The following FASN variants were observed in gnomAD, a reference collection of about 807,000 sequenced individuals.
FASN encodes the protein 3-hydroxyacyl-[acyl-carrier-protein] dehydratase.
FASN carries 50 observed loss-of-function variants against 250.0 expected under a neutral mutation model. The ratio of observed to expected loss-of-function variants is 0.20; its 90% CI spans 0.16 to 0.25. The LOEUF (loss-of-function observed/expected upper bound fraction) is 0.25, where lower values mean the gene tolerates loss of function less well. Among genes scored for constraint, FASN ranks in the 10% least tolerant of loss-of-function variants. The pLI is 1.00. For synonymous variants in FASN, 1,909 were observed against 1,584.0 expected, an observed-to-expected ratio of 1.21 and a Z score of -4.87; for missense variants, 3,031 against 3,498.5, an observed-to-expected ratio of 0.87 and a Z score of 3.37.
At position 82,089,314 on chromosome 17, in the gene FASN, C is replaced by A. The variant is rs1383076338; in HGVS notation, c.2036G>T (p.Gly679Val). 1 of 1,612,656 alleles carries A rather than the reference C, an allele frequency of 6.2e-7. No individual in the cohort carries two copies. The highest frequency in any genetic ancestry group is 1.3e-5 in the African/African-American group (1 of 74,892). ...GVFAKEVRTGGMAFHSYFMEA... is the reference protein window; with the variant it reads ...GVFAKEVRTGVMAFHSYFMEA... ...CATGAAGTAGGAGTGGAAGGCCATACCGCCGGTCCGCACCTCCTTGGCAAA... is the reference window on the plus strand; with the variant it reads ...CATGAAGTAGGAGTGGAAGGCCATAACGCCGGTCCGCACCTCCTTGGCAAA... Residue 679 changes from glycine to valine, a missense_variant, in exon 13 of 43, where the codon GGT becomes GTT. Gly to Val is a moderately radical substitution (Grantham distance 109). Transcript: ENST00000306749.
chr17:82,090,651 C>T, intron 10 of FASN, 87 bp from the exon 11 acceptor site: 1 of 1,279,124 alleles, frequency 7.8e-7, no homozygotes, highest in South Asian at 1.3e-5. Flanking sequence ...GCCATCTCCA[C>T]CCCCGCGCCC....
chr17:82,086,536 G>T lies in FASN; in HGVS notation c.3450C>A (p.Thr1150=). Residue 1150 remains threonine, a synonymous_variant, in exon 22 of 43, where the codon ACC becomes ACA. Transcript: ENST00000306749. ...LCKGLVQALQ[T]KVTQQGLKMV... ...TCTTCAGCCCCTGCTGGGTCACCTT[G>T]GTCTGCAGTGCCTGCACCAGCCCTG... is the stretch of plus-strand genomic sequence containing the variant. 1 of 1,611,826 alleles carries T rather than the reference G, an allele frequency of 6.2e-7. No homozygotes were observed. Among genetic ancestry groups the T allele is most frequent in the South Asian group, 1.1e-5 (1 of 91,058 alleles).
chr17:82,091,714 G>C, intron 8 of FASN, 30 bp from the exon 9 acceptor site: 2 of 1,532,680 alleles, frequency 1.3e-6, no homozygotes, highest in East Asian at 2.4e-5. Context: ...ATGGGCAGCC[G>C]CCCCACTCCC....
intron 22 of FASN, among the ~76,000 whole-genome samples, 184 bp downstream of exon 22, chr17:82,086,070 G>A (rs542051591): frequency 2.5e-4 from 38 of 152,292 alleles, no homozygotes; most frequent in South Asian, 1.7e-3. Context: ...TGGAGCCCAC[G>A]GGCGGACCCT....
At position 82,085,109 on chromosome 17, in the gene FASN, G is replaced by A; in HGVS notation, c.4335C>T (p.Ala1445=). The A allele has an allele frequency of 6.2e-7, 1 of 1,612,664 alleles. No individual in the cohort carries two copies. The highest frequency in any genetic ancestry group is 8.5e-7 in the Non-Finnish European group (1 of 1,179,930). Residue 1445 remains alanine, a synonymous_variant, in exon 25 of 43, where the codon GCC becomes GCT. Transcript: ENST00000306749. ...CCACGCCCGAGGTGGCACAGTTGAT[G>A]GCCTTCAGCCACACAGGCCGGGAAG... The part of the protein sequence containing the change: ...EDSSRPVWLK[A]INCATSGVVG...
intron 12 of FASN, 91 bp from the exon 13 acceptor site, chr17:82,089,475 A>C (rs9895384): frequency 1.2e-6 from 2 of 1,604,828 alleles, no homozygotes; most frequent in African/African-American, 1.3e-5. Flanking sequence ...CCCCAAGGGA[A>C]CCGAGAGGGA....
rs113626344 is a variant in FASN at position 82,089,800 on chromosome 17, G to A, written c.1871-74C>T. ...CCAGCCACCCACCCACCCAGACACT[G>A]CCTGCAGCTGGGGGCAGTAATGACA... On this transcript the variant is annotated intron_variant, in intron 11 of 42. Coordinates refer to ENST00000306749, the MANE Select transcript of FASN (RefSeq NM_004104.5). 1.7e-3 allele frequency: 2,147 copies of A among 1,280,712 alleles called. 48 individuals are homozygous for A. In the South Asian group the frequency reaches 0.023, roughly 14 times the overall value. 79.3% of individuals were successfully genotyped at this position (1,280,712 alleles called of 1,614,324 possible). A position where few individuals can be genotyped will look rare whatever the true frequency, so the allele number is the denominator to read the frequency against.
In FASN at chr17:82,084,639, A is replaced by C; in HGVS notation, c.4642T>G (p.Cys1548Gly). Residue 1548 changes from cysteine to glycine, a missense_variant, in exon 27 of 43, where the codon TGC becomes GGC. Transcript: ENST00000306749. ...GGCTGGGCATGGCGCAGCGAGGAGCAGACCCAGCGGATGGAGGACAGGTCC... is the reference window on the plus strand; with the variant it reads ...GGCTGGGCATGGCGCAGCGAGGAGCCGACCCAGCGGATGGAGGACAGGTCC... ...RGDLSSIRWV[C>G]SSLRHAQPTC... 1 of 1,600,856 alleles carries C rather than the reference A, an allele frequency of 6.2e-7. No individual in the cohort carries two copies. The highest frequency in any genetic ancestry group is 8.5e-7 in the Non-Finnish European group (1 of 1,174,584).
In FASN at chr17:82,093,687, C is replaced by T. The variant is rs139728499; in HGVS notation, c.365G>A (p.Arg122Gln). ...GTAGCCCACGAGTGTCTCGGGGTCTCGGCTCAGGGCCTCCGAGGTCTCAGA... is the reference window on the plus strand; with the variant it reads ...GTAGCCCACGAGTGTCTCGGGGTCTTGGCTCAGGGCCTCCGAGGTCTCAGA... ...SGSETSEALS[R>Q]DPETLVGYSM... Residue 122 changes from arginine to glutamine, a missense_variant, in exon 4 of 43, where the codon CGA becomes CAA. Coordinates refer to ENST00000306749, the MANE Select transcript of FASN (RefSeq NM_004104.5). The T allele has an allele frequency of 3.5e-5, 57 of 1,612,656 alleles. No homozygotes were observed. The highest frequency in any genetic ancestry group is 1.3e-4 in the South Asian group (12 of 91,082).
At chr17:82,092,363 T>G (rs1455334068) in intron 8 of FASN, 92 bp downstream of exon 8, 7 of 1,398,094 alleles carry the variant, frequency 5.0e-6, no homozygotes, top group Non-Finnish European at 6.8e-6. Context: ...CCGCCTCCAC[T>G]TGGCAAAGAG....
Position 82,083,828 on chromosome 17 carries a change from G to A in FASN, c.5162C>T (p.Ala1721Val). Residue 1721 changes from alanine (A) to valine (V), a missense_variant, in exon 30 of 43, where the codon GCC becomes GTC. Coordinates refer to ENST00000306749, the MANE Select transcript of FASN (RefSeq NM_004104.5). ...RFPQLDSTSF[A>V]NSRDTSFEQH... ...CTCGAAGGATGTGTCCCGGGAGTTG[G>A]CGAAGCTGGTGCTGTCGAGCTGGGG... The A allele has an allele frequency of 6.2e-7, 1 of 1,605,392 alleles. No individual in the cohort carries two copies. Among genetic ancestry groups the A allele is most frequent in the Non-Finnish European group, 8.5e-7 (1 of 1,177,092 alleles).
rs547172061 is a variant in FASN, at chr17:82,086,726, T to A, written c.3428-168A>T. 1.6e-4 allele frequency among the ~76,000 whole-genome samples: 24 copies of A among 152,308 alleles called. No homozygotes were observed. In the East Asian group the frequency reaches 4.4e-3, roughly 28 times the overall value. On this transcript the variant is annotated intron_variant, in intron 21 of 42. Coordinates refer to ENST00000306749, the MANE Select transcript of FASN (RefSeq NM_004104.5). ...GGCTGCCCACCACTGGGAGGCTGAC[T>A]CCTGCCCACTGTGGACGCAGTGAGG...
intron 3 of FASN, 91 bp downstream of exon 3, chr17:82,095,229 T>C: frequency 6.8e-7 from 1 of 1,478,072 alleles, no homozygotes. Context: ...TGCCAGCACC[T>C]GGTTCTACCA....
intron 6 of FASN, 23 bp downstream of exon 6, chr17:82,092,874 C>G (rs1278319153): frequency 1.9e-6 from 3 of 1,592,342 alleles, no homozygotes; most frequent in Non-Finnish European, 2.6e-6. Context: ...CCCCCAGCAC[C>G]CCGGAACCCC....
At position 82,088,427 on chromosome 17, in the gene FASN, G is replaced by T. The variant is rs765134185; in HGVS notation, c.2556C>A (p.Asn852Lys). Residue 852 changes from asparagine to lysine, a missense_variant, in exon 16 of 43, where the codon AAC becomes AAA. Coordinates refer to ENST00000306749, the MANE Select transcript of FASN (RefSeq NM_004104.5). ...TGGCGGCTGAGGGGGAACCTGAACCGTTGGGGAAGTCCTCGGCGGCCGGCA... is the reference window on the plus strand; with the variant it reads ...TGGCGGCTGAGGGGGAACCTGAACCTTTGGGGAAGTCCTCGGCGGCCGGCA... The part of the protein sequence containing the change: ...WDVPAAEDFP[N>K]GSGSPSAAIY... The T allele has an allele frequency of 6.2e-7, 1 of 1,611,980 alleles. No homozygotes were observed.
rs200897153 is a variant in FASN at position 82,082,645 on chromosome 17, C to A, written c.5801G>T (p.Arg1934Leu). The A allele has an allele frequency of 1.9e-6, 3 of 1,610,398 alleles. No individual in the cohort carries two copies. Among genetic ancestry groups the A allele is most frequent in the South Asian group, 2.2e-5 (2 of 91,082 alleles). Residue 1934 changes from arginine to leucine, a missense_variant, in exon 34 of 43, where the codon CGC (arginine) becomes CTC (leucine). Arg to Leu is a moderately radical substitution (Grantham distance 102, BLOSUM62 -2). Transcript: ENST00000306749. ...YQAKQVRRWR[R>L]QGVQVQVSTS... Reference sequence around the variant, plus strand: ...GGACACCTGCACCTGTACGCCCTGGCGCCTCCACCGGCGGACCTGCTTGGC... The same window carrying A: ...GGACACCTGCACCTGTACGCCCTGGAGCCTCCACCGGCGGACCTGCTTGGC...
intron 31 of FASN, 23 bp from the exon 32 acceptor site, chr17:82,083,448 C>A (rs1204205448): frequency 1.2e-6 from 2 of 1,612,654 alleles, no homozygotes. Flanking sequence ...GCCGTGCTCA[C>A]CCAGGGCCTT....
At position 82,082,560 on chromosome 17, in the gene FASN, A is replaced by C. The variant is rs1598574112; in HGVS notation, c.5886T>G (p.Leu1962=). Residue 1962 remains leucine, a synonymous_variant, in exon 34 of 43, where the codon CTT becomes CTG. Coordinates refer to ENST00000306749, the MANE Select transcript of FASN (RefSeq NM_004104.5). ...ARGLIAEAAQ[L]GPVGGVFNLA... is the part of the protein sequence containing the mutation. ...GGTTGAAGACGCCGCCCACGGGCCC[A>C]AGCTGCGCCGCCTCGGCAATGAGGC... 6 of 1,608,970 alleles carry C rather than the reference A, an allele frequency of 3.7e-6. No individual in the cohort carries two copies. The highest frequency in any genetic ancestry group is 4.2e-6 in the Non-Finnish European group (5 of 1,179,792).
rs146226779 is a variant in FASN at position 82,087,425 on chromosome 17, C to G, written c.3123G>C (p.Ser1041=). Residue 1041 remains serine, a synonymous_variant, in exon 20 of 43, where the codon TCG becomes TCC. Coordinates refer to ENST00000306749, the MANE Select transcript of FASN (RefSeq NM_004104.5). Reference sequence around the variant, plus strand: ...TGGGCAGGTACAGGCCGTGCTTGGCCGAGCCCAGGATGGACATCTGCAGCA... The same window carrying G: ...TGGGCAGGTACAGGCCGTGCTTGGCGGAGCCCAGGATGGACATCTGCAGCA... ...DTMLQMSILG[S]AKHGLYLPTR... 35 of 1,612,550 alleles carry G rather than the reference C, an allele frequency of 2.2e-5. No individual in the cohort carries two copies. The highest frequency in any genetic ancestry group is 2.3e-5 in the Non-Finnish European group (27 of 1,180,004).
Sources: gnomAD v4.1 joint callset for allele counts (sites outside exome capture counted in the v4.1 genomes callset) on GRCh38, gnomAD v4.1.1 for gene constraint, MANE v1.5 for transcripts, NCBI Gene and HGNC (gene_info 2026-07-23, HGNC 2026-07-21) for gene names.